The following ZBTB38 variants were observed in gnomAD, a reference collection of about 807,000 sequenced individuals.
ZBTB38 encodes zinc finger and BTB domain containing 38.
A neutral mutation model predicts 76.8 loss-of-function variants in ZBTB38; 20 were observed. The ratio of observed to expected loss-of-function variants is 0.26; its 90% confidence interval spans 0.18 to 0.38. The LOEUF (loss-of-function observed/expected upper bound fraction) is 0.38. Among genes scored for constraint, ZBTB38 ranks in the 10% least tolerant of loss-of-function variants. The pLI, the probability that ZBTB38 is intolerant of heterozygous loss-of-function variation, is 1.00. For missense variants in ZBTB38, 1,082 were observed against 1,482.3 expected, an observed-to-expected ratio of 0.73 and a Z score of 4.43; for synonymous variants, 504 against 544.2, an observed-to-expected ratio of 0.93 and a Z score of 1.03.
chr3:141,400,489 A>C (rs189088487), intron 4 of ZBTB38, among the ~76,000 whole-genome samples: 2 of 152,356 alleles, frequency 1.3e-5, no homozygotes, highest in African/African-American at 4.8e-5. Context: ...TAACAATACA[A>C]AAAAGTGGAT....
intron 1 of ZBTB38, among the ~76,000 whole-genome samples, chr3:141,361,757 C>T (rs1178898652): frequency 6.6e-6 from 1 of 152,180 alleles, no homozygotes; most frequent in East Asian, 1.9e-4. Flanking sequence ...GAAAGAGCCT[C>T]AGTGCCCCCA....
intron 5 of ZBTB38, among the ~76,000 whole-genome samples, chr3:141,410,474 A>G (rs2149817473): frequency 6.6e-6 from 1 of 152,372 alleles, no homozygotes; most frequent in Admixed American, 6.5e-5. Context: ...AAGTGGGAAC[A>G]GAACCCACTG....
intron 4 of ZBTB38, among the ~76,000 whole-genome samples, chr3:141,399,127 C>CTTT (rs34466132): frequency 2.8e-5 from 4 of 145,240 alleles, no homozygotes; most frequent in Admixed American, 6.8e-5. Context: ...ATTTATATTC[C>CTTT]TTTTTTTTTT....
upstream of ZBTB38, chr3:141,366,610 A>G (rs1441719416): frequency 6.6e-6 from 1 of 152,248 alleles, no homozygotes; most frequent in African/African-American, 2.4e-5. Flanking sequence ...CAGAGTGGCA[A>G]CTGGCAGAGC....
At chr3:141,414,960 T>G (rs1024351539) in intron 5 of ZBTB38, among the ~76,000 whole-genome samples, 1 of 151,924 alleles carries the variant, frequency 6.6e-6, no homozygotes, top group African/African-American at 2.4e-5. Flanking sequence ...AACCCTGCCC[T>G]TTCTTTCTCG....
intron 2 of ZBTB38, among the ~76,000 whole-genome samples, chr3:141,380,133 G>A (rs752684207): frequency 1.3e-5 from 2 of 152,170 alleles, no homozygotes; most frequent in Non-Finnish European, 2.9e-5. Flanking sequence ...AGGCATTTAT[G>A]TAAATATGAC....
chr3:141,335,032 C>T (rs896803753), intron 1 of ZBTB38, among the ~76,000 whole-genome samples: 1 of 152,180 alleles, frequency 6.6e-6, no homozygotes, highest in Admixed American at 6.5e-5. Context: ...ATGTCTGACA[C>T]TACCGCCTCT....
chr3:141,380,499 G>A (rs1222288900), intron 2 of ZBTB38, among the ~76,000 whole-genome samples: 1 of 152,166 alleles, frequency 6.6e-6, no homozygotes, highest in Non-Finnish European at 1.5e-5. Context: ...TTAACTTTAG[G>A]AAGTGGCTTC....
chr3:141,437,738 G>A (rs1440188768), intron 5 of ZBTB38, among the ~76,000 whole-genome samples: 3 of 152,108 alleles, frequency 2.0e-5, no homozygotes, highest in African/African-American at 7.2e-5. Context: ...AATCTCTATA[G>A]GAGCAGGGGA....
rs190622458 is a variant in ZBTB38, at chr3:141,393,803, G to C, written c.-106+6866G>C. On this transcript the variant is annotated intron_variant, in intron 4 of 5. Coordinates refer to ENST00000321464, the MANE Select transcript of ZBTB38 (RefSeq NM_001376113.1). ...TTGCAACTAGAAAAAGAAGGCTCAG[G>C]AGAGACCTTAAATGCAGGTTGCAGG... Among the ~76,000 whole-genome samples, 168 of 152,258 alleles carry C rather than the reference G, an allele frequency of 1.1e-3. 1 individual carries two copies. Among genetic ancestry groups the C allele is most frequent in the African/African-American group, 3.9e-3 (160 of 41,538 alleles).
chr3:141,364,279 A>G (rs1437850850), upstream of ZBTB38, among the ~76,000 whole-genome samples: 1 of 151,790 alleles, frequency 6.6e-6, no homozygotes, highest in African/African-American at 2.4e-5. Context: ...AATAACACCA[A>G]CCAGAAATGA....
rs962522504 is a variant in ZBTB38, at chr3:141,335,379, T to A, written c.-739+10923T>A. ...ATTATCCACAAGTAAACTCTAGTCT[T>A]ATACCTCTAGAACAAATGAAATCAA... On this transcript the variant is annotated intron_variant, in intron 1 of 7. Transcript: ENST00000509842. Among the ~76,000 whole-genome samples the A allele has an allele frequency of 4.6e-5, 7 of 152,366 alleles. No individual in the cohort carries two copies. The Middle Eastern group carries it at 0.017, about 370-fold the overall frequency.
At chr3:141,335,627 G>A (rs1942994075) in intron 1 of ZBTB38, among the ~76,000 whole-genome samples, 1 of 152,232 alleles carries the variant, frequency 6.6e-6, no homozygotes, top group Non-Finnish European at 1.5e-5. Context: ...CGTGGCTGCT[G>A]CCTTGGCCAC....
chr3:141,344,690 C>G (rs1943292293), intron 1 of ZBTB38, among the ~76,000 whole-genome samples: 1 of 152,190 alleles, frequency 6.6e-6, no homozygotes. Flanking sequence ...TCTTCAAAGC[C>G]AGCATTGTGC....
intron 5 of ZBTB38, among the ~76,000 whole-genome samples, chr3:141,418,019 T>A (rs1163521474): frequency 6.6e-6 from 1 of 151,818 alleles, no homozygotes; most frequent in Non-Finnish European, 1.5e-5. Context: ...CTCAAAAAAA[T>A]AAATAAATAA....
intron 5 of ZBTB38, among the ~76,000 whole-genome samples, chr3:141,434,791 T>C (rs76385523): frequency 0.015 from 2,278 of 152,026 alleles, 68 homozygotes; most frequent in African/African-American, 0.052. Context: ...ATATACTTTA[T>C]GTAAATAAAC....
At chr3:141,393,721 G>A (rs1483671503) in intron 4 of ZBTB38, among the ~76,000 whole-genome samples, 1 of 152,160 alleles carries the variant, frequency 6.6e-6, no homozygotes, top group Non-Finnish European at 1.5e-5. Context: ...AGGAGATGCC[G>A]CTCTGCTGCG....
chr3:141,379,517 G>T (rs1945889615), intron 2 of ZBTB38, among the ~76,000 whole-genome samples: 1 of 152,204 alleles, frequency 6.6e-6, no homozygotes, highest in African/African-American at 2.4e-5. Flanking sequence ...AAGAGACCAT[G>T]ATGAGAGGGA....
chr3:141,386,822 C>A (rs970436450), intron 3 of ZBTB38, 50 bp from the exon 4 acceptor site: 1 of 152,622 alleles, frequency 6.6e-6, no homozygotes, highest in Non-Finnish European at 1.5e-5. Flanking sequence ...TGATTGGGCT[C>A]ATCTTGCATC....
Sources: gnomAD v4.1 joint callset for allele counts (sites outside exome capture counted in the v4.1 genomes callset) on GRCh38, gnomAD v4.1.1 for gene constraint, MANE v1.5 for transcripts, NCBI Gene and HGNC (gene_info 2026-07-23, HGNC 2026-07-21) for gene names.